Variants in ANKRD26 observed in about 807,000 individuals in gnomAD.
ANKRD26 encodes the protein ankyrin repeat domain-containing protein 26.
Under a neutral mutation model 208.7 loss-of-function variants are expected in ANKRD26, and 141 were observed. That is an observed-to-expected ratio of 0.68 (90% CI 0.59 to 0.78). The LOEUF (loss-of-function observed/expected upper bound fraction) is 0.78. Among genes scored for constraint, ANKRD26 ranks in the 30% least tolerant of loss-of-function variants. The pLI is 0.00. For synonymous variants in ANKRD26, 636 were observed against 660.4 expected (o/e 0.96, Z 0.57); for missense variants, 1,889 against 1,938.7 (o/e 0.97, Z 0.48).
intron 30 of ANKRD26, among the ~76,000 whole-genome samples, chr10:27,016,320 G>A (rs915744279): frequency 5.9e-5 from 9 of 151,980 alleles, no homozygotes; most frequent in East Asian, 1.9e-4. Context: ...TATTTGAGAC[G>A]GAGTCTAGCT....
chr10:27,032,835 A>T (rs1014771857), intron 25 of ANKRD26, among the ~76,000 whole-genome samples: 1 of 151,364 alleles, frequency 6.6e-6, no homozygotes, highest in Non-Finnish European at 1.5e-5. Flanking sequence ...CAAATAAATA[A>T]AGAAGCAAGT....
At chr10:27,033,201 T>A in intron 25 of ANKRD26, 24 bp downstream of exon 25, 2 of 1,584,842 alleles carry the variant, frequency 1.3e-6, no homozygotes, top group Non-Finnish European at 1.7e-6. Context: ...ATTAACTGTT[T>A]GACATGTTAA....
chr10:27,093,921 C>G, intron 1 of ANKRD26, 122 bp from the exon 2 acceptor site: 2 of 787,208 alleles, frequency 2.5e-6, no homozygotes, highest in Non-Finnish European at 4.0e-6. Flanking sequence ...CCACCCAAAT[C>G]TCATCTTGGC....
chr10:27,035,531 C>T lies in ANKRD26; in HGVS notation c.2919G>A (p.Gln973=). The change falls in exon 24 of 34, where the codon CAG becomes CAA. Residue 973 remains glutamine (Q), a synonymous_variant. Coordinates refer to ENST00000376087, the MANE Select transcript of ANKRD26 (RefSeq NM_014915.3). ...TCAGAACACTAAGCCGTCCATTATA[C>T]TGGGATATTGTTTGTGTTAATGTTT... ...NEETLTQTIS[Q]YNGRLSVLTA... is the part of the protein sequence containing the mutation. 2 of 1,613,928 alleles carry T rather than the reference C, an allele frequency of 1.2e-6. No individual in the cohort carries two copies. Among genetic ancestry groups the T allele is most frequent in the East Asian group, 2.2e-5 (1 of 44,858 alleles).
At chr10:26,984,107 A>G (rs533947147) in intron 3 of ANKRD26, among the ~76,000 whole-genome samples, 102 of 152,336 alleles carry the variant, frequency 6.7e-4, no homozygotes, top group African/African-American at 2.4e-3. Flanking sequence ...AAATAGCTGC[A>G]GCGTTTTGAG....
chr10:27,078,705 CAG>C (rs1309115631), intron 7 of ANKRD26, among the ~76,000 whole-genome samples: 1 of 151,974 alleles, frequency 6.6e-6, no homozygotes, highest in East Asian at 1.9e-4. Context: ...ATTCTTACTA[CAG>C]AGAGAGAAAA....
rs1238804194 is a variant in ANKRD26 at position 27,028,881 on chromosome 10, G to A, written c.3943C>T (p.Leu1315Phe). 1.2e-6 allele frequency: 2 copies of A among 1,613,278 alleles called. No individual in the cohort carries two copies. Among genetic ancestry groups the A allele is most frequent in the South Asian group, 2.2e-5 (2 of 90,986 alleles). Residue 1315 changes from leucine (L) to phenylalanine (F), a missense_variant, in exon 27 of 34, where the codon CTT (leucine) becomes TTT (phenylalanine). Transcript: ENST00000376087. Reference protein sequence around the residue: ...VKKQMDKIEELQKNLLNANLS... With the variant: ...VKKQMDKIEEFQKNLLNANLS... Reference sequence around the variant, plus strand: ...TTTGCATTTAACAGGTTTTTCTGAAGCTCCTCAATTTTGTCCATTTGCTTT... The same window carrying A: ...TTTGCATTTAACAGGTTTTTCTGAAACTCCTCAATTTTGTCCATTTGCTTT...
the ANKRD26 span, among the ~76,000 whole-genome samples, chr10:26,960,486 C>G: frequency 2.0e-5 from 3 of 152,174 alleles, no homozygotes; most frequent in African/African-American, 7.2e-5. Flanking sequence ...GAACACCACC[C>G]GACACCCAGT....
rs773187079 is a variant in ANKRD26 at position 27,035,631 on chromosome 10, T to C, written c.2819A>G (p.Lys940Arg). The change falls in exon 24 of 34, where the codon AAG (lysine) becomes AGG (arginine). Residue 940 changes from lysine to arginine, a missense_variant. Transcript: ENST00000376087. ...AATTTTAAGGTCCTCAAAACATTTC[T>C]TTTCTTTTTCCTGGTTTTGATTTTT... is the stretch of plus-strand genomic sequence containing the variant. ...TIKNQNQEKEKKCFEDLKIVK... is the reference protein window; with the variant it reads ...TIKNQNQEKERKCFEDLKIVK... 4 of 1,591,972 alleles carry C rather than the reference T, an allele frequency of 2.5e-6. No homozygotes were observed. Among genetic ancestry groups the C allele is most frequent in the Non-Finnish European group, 3.4e-6 (4 of 1,173,118 alleles).
At chr10:27,057,925 G>C (rs1348317815) in intron 15 of ANKRD26, among the ~76,000 whole-genome samples, 1 of 144,990 alleles carries the variant, frequency 6.9e-6, no homozygotes, top group Non-Finnish European at 1.5e-5. Flanking sequence ...GACAGAGCGA[G>C]ACTCCATCTC....
downstream of ANKRD26, among the ~76,000 whole-genome samples, chr10:26,972,031 C>G (rs186430970): frequency 2.8e-4 from 42 of 152,034 alleles, no homozygotes; most frequent in Middle Eastern, 3.4e-3. Context: ...GTCAGGAGAT[C>G]GAGACCATCC....
intron 4 of ANKRD26, among the ~76,000 whole-genome samples, chr10:26,995,799 C>T (rs758670275): frequency 5.9e-5 from 9 of 152,178 alleles, no homozygotes; most frequent in Non-Finnish European, 1.2e-4. Flanking sequence ...TATGAAATAT[C>T]TTCCTGAGGG....
At chr10:27,080,525 A>T in intron 6 of ANKRD26, 1 of 651,102 alleles carries the variant, frequency 1.5e-6, no homozygotes, top group African/African-American at 2.0e-5. Flanking sequence ...GCAAGCCCTT[A>T]AAAATCTTTA....
rs868440958 is a variant in ANKRD26, at chr10:27,007,812, A to G, written c.4954-850T>C. Reference sequence around the variant, plus strand: ...CATGTGAAAATTCTACTGGCAAAAAAGTGAAAATAAATATTATCCTATCTA... The same window carrying G: ...CATGTGAAAATTCTACTGGCAAAAAGGTGAAAATAAATATTATCCTATCTA... On this transcript the variant is annotated intron_variant, in intron 32 of 33. Coordinates refer to ENST00000376087, the MANE Select transcript of ANKRD26 (RefSeq NM_014915.3). Among the ~76,000 whole-genome samples the G allele has an allele frequency of 3.9e-5, 6 of 152,318 alleles. No individual in the cohort carries two copies. In the South Asian group the frequency reaches 1.0e-3, roughly 26 times the overall value.
At chr10:27,034,704 CTATT>C (rs1424402550) in intron 24 of ANKRD26, 88 bp downstream of exon 24, 9 of 787,464 alleles carry the variant, frequency 1.1e-5, no homozygotes, top group East Asian at 1.1e-4. Context: ...ATAAGCTTAT[CTATT>C]TATTTTTATA....
intron 29 of ANKRD26, among the ~76,000 whole-genome samples, chr10:27,019,668 C>T (rs575778427): frequency 3.9e-5 from 6 of 152,056 alleles, no homozygotes; most frequent in South Asian, 2.1e-4. Context: ...ATAGCTCTTA[C>T]GTCTTTCTCC....
intron 20 of ANKRD26, among the ~76,000 whole-genome samples, chr10:27,043,119 T>A (rs1000208004): frequency 6.7e-6 from 1 of 149,174 alleles, no homozygotes; most frequent in Non-Finnish European, 1.5e-5. Context: ...AAACTTCTGC[T>A]CTTCAAAAGA....
At chr10:26,986,893 C>T (rs1179105897) in intron 3 of ANKRD26, among the ~76,000 whole-genome samples, 2 of 152,230 alleles carry the variant, frequency 1.3e-5, no homozygotes, top group Non-Finnish European at 2.9e-5. Flanking sequence ...GGATCTAGAA[C>T]TAGAAACACC....
chr10:27,038,503 T>TA (rs1465616362), intron 21 of ANKRD26, among the ~76,000 whole-genome samples: 6 of 151,800 alleles, frequency 4.0e-5, no homozygotes. Context: ...TACAAAAAAT[T>TA]AGACAGGTGT....
Sources: allele counts gnomAD v4.1 joint callset (sites outside exome capture counted in the v4.1 genomes callset), GRCh38; gene constraint gnomAD v4.1.1; transcripts MANE v1.5; gene names NCBI Gene and HGNC (gene_info 2026-07-23, HGNC 2026-07-21).